The following MYNN variants were observed in gnomAD, a reference collection of about 807,000 sequenced individuals.
MYNN encodes the protein myoneurin, also known as zinc finger and BTB domain-containing protein 31.
MYNN carries 22 observed loss-of-function variants against 57.2 expected under a neutral mutation model. The observed-to-expected ratio is 0.38, with a 90% CI of 0.27 to 0.55. The LOEUF is 0.55. MYNN is among the 20% of genes least tolerant of loss of function. The pLI, the probability that MYNN is intolerant of heterozygous loss-of-function variation, is 0.71. For missense variants in MYNN, 566 were observed against 723.1 expected, an observed-to-expected ratio of 0.78 and a Z score of 2.49; for synonymous variants, 241 against 257.1, an observed-to-expected ratio of 0.94 and a Z score of 0.60.
At chr3:169,779,644 A>G in intron 3 of MYNN, 83 bp downstream of exon 3, 2 of 1,323,202 alleles carry the variant, frequency 1.5e-6, no homozygotes, top group South Asian at 1.5e-5. Context: ...AGCACACACT[A>G]CTTGTGACCA....
At chr3:169,776,073 C>T (rs192622713) in intron 2 of MYNN, among the ~76,000 whole-genome samples, 106 of 152,212 alleles carry the variant, frequency 7.0e-4, no homozygotes, top group African/African-American at 2.5e-3. Flanking sequence ...TTTTGGCTGG[C>T]CTGCAATTTA....
chr3:169,774,191 C>T (rs1282603232), intron 1 of MYNN, 74 bp from the exon 2 acceptor site: 6 of 1,164,836 alleles, frequency 5.2e-6, no homozygotes, highest in Admixed American at 2.0e-5. Context: ...TAAGTTATGT[C>T]CTCTGTCCCT....
At chr3:169,778,610 A>G in intron 2 of MYNN, 158 bp from the exon 3 acceptor site, 1 of 577,732 alleles carries the variant, frequency 1.7e-6, no homozygotes, top group Non-Finnish European at 2.9e-6. Context: ...CCTAAACATT[A>G]TTCTGAATGA....
chr3:169,783,337 C>T lies in MYNN; in HGVS notation c.1400-140C>T, dbSNP rs16854368. 9.2e-3 allele frequency: 4,860 copies of T among 525,688 alleles called. 183 individuals are homozygous for T. The East Asian group carries it at 0.094, about 10-fold the overall frequency. 32.6% of individuals were successfully genotyped at this position (525,688 alleles called of 1,614,324 possible). ...TACTAATATTCATTTACTTGGATCA[C>T]TGAAAATACCTCTAAAGTACAATAT... On this transcript the variant is annotated intron_variant, in intron 5 of 7. Transcript: ENST00000349841.
chr3:169,776,397 G>A (rs775362854), intron 2 of MYNN, among the ~76,000 whole-genome samples: 4 of 152,192 alleles, frequency 2.6e-5, no homozygotes, highest in Non-Finnish European at 5.9e-5. Flanking sequence ...CTAACATTCT[G>A]TGCTCTTGGA....
intron 6 of MYNN, chr3:169,783,999 TAAAAC>T: frequency 3.8e-6 from 1 of 263,442 alleles, no homozygotes; most frequent in Non-Finnish European, 7.4e-6. Flanking sequence ...TAAAAAATTT[TAAAAC>T]AAAGGAAAAT....
At chr3:169,784,758 C>A in intron 7 of MYNN, 50 bp downstream of exon 7, 2 of 1,151,540 alleles carry the variant, frequency 1.7e-6, no homozygotes, top group South Asian at 2.8e-5. Context: ...ATTTGGTGCT[C>A]ATATTAGTGC....
rs1041837417 is a variant in MYNN, at chr3:169,786,638, A to T, written c.1793A>T (p.Tyr598Phe). The change falls in exon 8 of 8, where the codon TAT (tyrosine) becomes TTT (phenylalanine). Residue 598 changes from tyrosine (Y) to phenylalanine (F), a missense_variant. Coordinates refer to ENST00000349841, the MANE Select transcript of MYNN (RefSeq NM_018657.5). ...TTGTTGAGGTCAACTGTGAATGGGT[A>T]TTCAGAACCACAGTTGATTTTTTTA... ...DTLLRSTVNG[Y>F]SEPQLIFLQQ... 1.2e-6 allele frequency: 2 copies of T among 1,613,386 alleles called. No individual in the cohort carries two copies. The highest frequency in any genetic ancestry group is 1.7e-6 in the Non-Finnish European group (2 of 1,179,496).
rs1778551953 is a variant in MYNN at position 169,782,650 on chromosome 3, T to C, written c.1399+7T>C. The C allele has an allele frequency of 1.2e-6, 2 of 1,612,444 alleles. No homozygotes were observed. Among genetic ancestry groups the C allele is most frequent in the Non-Finnish European group, 1.7e-6 (2 of 1,179,210 alleles). ...CATTCTCGAAAACATACAGGTAAGTTTGACAGGGAGAGACTGCTTAAAATA... is the reference window on the plus strand; with the variant it reads ...CATTCTCGAAAACATACAGGTAAGTCTGACAGGGAGAGACTGCTTAAAATA... On this transcript the variant is annotated splice_region_variant and intron_variant, in intron 5 of 7. Transcript: ENST00000349841. The surrounding 1 kb of genome is among the most constrained non-coding windows in gnomAD (Gnocchi z 4.8).
intron 2 of MYNN, among the ~76,000 whole-genome samples, chr3:169,775,263 A>G (rs1778299694): frequency 1.3e-5 from 2 of 152,298 alleles, no homozygotes; most frequent in Non-Finnish European, 2.9e-5. Flanking sequence ...GAGGAATCTG[A>G]TAATGTAGGC....
At position 169,781,577 on chromosome 3, in the gene MYNN, A is replaced by G. The variant is rs116151092; in HGVS notation, c.1220+828A>G. 9.8e-3 allele frequency among the ~76,000 whole-genome samples: 1,500 copies of G among 152,334 alleles called. 12 individuals carry two copies. The highest frequency in any genetic ancestry group is 0.052 in the South Asian group (252 of 4,828). ...AGGCACTCTAACTTTATGAGTTCTG[A>G]GAGATGGGTGAGAACCAGCAGAGGT... On this transcript the variant is annotated intron_variant, in intron 4 of 7. Coordinates refer to ENST00000349841, the MANE Select transcript of MYNN (RefSeq NM_018657.5).
At chr3:169,775,824 T>A (rs1778323050) in intron 2 of MYNN, among the ~76,000 whole-genome samples, 1 of 152,170 alleles carries the variant, frequency 6.6e-6, no homozygotes, top group African/African-American at 2.4e-5. Flanking sequence ...GCAAAATCTT[T>A]CCCTCCCTTT....
chr3:169,776,437 T>G (rs1778342969), intron 2 of MYNN, among the ~76,000 whole-genome samples: 1 of 152,232 alleles, frequency 6.6e-6, no homozygotes, highest in Non-Finnish European at 1.5e-5. Context: ...GGACTTCTGA[T>G]TTTTCACTTG....
intron 2 of MYNN, among the ~76,000 whole-genome samples, chr3:169,775,783 A>T (rs1029576947): frequency 6.6e-6 from 1 of 152,110 alleles, no homozygotes; most frequent in East Asian, 1.9e-4. Flanking sequence ...TCTTTTCCAG[A>T]TCTCTGTAGA....
At chr3:169,784,377 A>G (rs1778611546) in intron 6 of MYNN, among the ~76,000 whole-genome samples, 1 of 151,980 alleles carries the variant, frequency 6.6e-6, no homozygotes. Context: ...TTTAGTTTGC[A>G]GATACATTTC....
rs1332133565 is a variant in MYNN, at chr3:169,779,291, C to G, written c.790C>G (p.Gln264Glu). Residue 264 changes from glutamine to glutamate, a missense_variant, in exon 3 of 8, where the codon CAG becomes GAG. Physicochemically the swap from Gln to Glu is conservative, Grantham distance 29. Around this residue, in one of 4 missense-constraint regions of MYNN, gnomAD observed 261 missense variants for 280.8 expected, o/e 0.93. Transcript: ENST00000349841. ...VTVKRKRGKSQPNCALKEHSM... is the reference protein window; with the variant it reads ...VTVKRKRGKSEPNCALKEHSM... ...AGTGAAACGGAAACGTGGAAAATCA[C>G]AGCCAAACTGTGCTCTGAAAGAACA... 2 of 1,614,058 alleles carry G rather than the reference C, an allele frequency of 1.2e-6. No homozygotes were observed. The highest frequency in any genetic ancestry group is 1.3e-5 in the African/African-American group (1 of 74,940).
intron 4 of MYNN, among the ~76,000 whole-genome samples, chr3:169,781,717 G>A (rs934687762): frequency 6.6e-6 from 1 of 152,184 alleles, no homozygotes; most frequent in Non-Finnish European, 1.5e-5. Context: ...TTCTGTGATA[G>A]GGAGATGAAG....
Position 169,782,540 on chromosome 3 carries a change from T to C in MYNN, c.1296T>C (p.Tyr432=), listed in dbSNP as rs1276725747. ...TTGCTCAAGCCAGCACACTGACCTA[T>C]CATGTCCGTAGGCATACTGGAGAAA... ...QRFAQASTLT[Y]HVRRHTGEKP... The change falls in exon 5 of 8, where the codon TAT becomes TAC. Residue 432 remains tyrosine, a synonymous_variant. Coordinates refer to ENST00000349841, the MANE Select transcript of MYNN (RefSeq NM_018657.5). This position sits in a 1 kb window ranked among gnomAD's most constrained non-coding sequence, Gnocchi z 4.8. 3.1e-6 allele frequency: 5 copies of C among 1,614,030 alleles called. No individual in the cohort carries two copies. Among genetic ancestry groups the C allele is most frequent in the Admixed American group, 3.3e-5 (2 of 60,008 alleles).
At chr3:169,778,592 A>T (rs1778417593) in intron 2 of MYNN, 176 bp from the exon 3 acceptor site, 1 of 514,256 alleles carries the variant, frequency 1.9e-6, no homozygotes, top group Non-Finnish European at 3.3e-6. Context: ...AAAATTGGAG[A>T]TTTTTTACCT....
Sources: allele counts gnomAD v4.1 joint callset (sites outside exome capture counted in the v4.1 genomes callset), GRCh38; gene constraint gnomAD v4.1.1; regional missense constraint gnomAD v4.1.1; non-coding constraint Gnocchi (gnomAD v3.1); transcripts MANE v1.5; gene names NCBI Gene and HGNC (gene_info 2026-07-23, HGNC 2026-07-21).